Variants in RPS6KC1 observed in about 807,000 individuals in gnomAD.
RPS6KC1 encodes the protein ribosomal protein S6 kinase C1, also known as inactive ribosomal protein S6 kinase delta-1.
RPS6KC1 carries 54 observed loss-of-function variants against 103.8 expected under a neutral mutation model. That is an observed-to-expected ratio of 0.52 (90% CI 0.42 to 0.65). The LOEUF is 0.65. Ranked by LOEUF, RPS6KC1 falls within the 30% of genes least tolerant of loss-of-function variation. The pLI, the probability that RPS6KC1 is intolerant of heterozygous loss-of-function variation, is 0.00. For missense variants in RPS6KC1, 1,151 were observed against 1,253.8 expected, an observed-to-expected ratio of 0.92 and a Z score of 1.24; for synonymous variants, 439 against 438.7, an observed-to-expected ratio of 1.00 and a Z score of -0.01.
chr1:213,563,019 A>G, the RPS6KC1 span, among the ~76,000 whole-genome samples: 1 of 152,100 alleles, frequency 6.6e-6, no homozygotes, highest in East Asian at 1.9e-4. Flanking sequence ...TGAATCTTCT[A>G]TATCTTTATT....
At chr1:213,189,178 G>A (rs1043850508) in intron 8 of RPS6KC1, among the ~76,000 whole-genome samples, 3 of 152,090 alleles carry the variant, frequency 2.0e-5, no homozygotes, top group Non-Finnish European at 4.4e-5. Flanking sequence ...GCCAGGCATG[G>A]TGGCTTACGT....
In RPS6KC1 at chr1:213,232,156, A is replaced by G. The variant is rs2094119216; in HGVS notation, c.1126A>G (p.Arg376Gly). Reference protein sequence around the residue: ...LRKSSEYSRNRKTIIPRCVPN... With the variant: ...LRKSSEYSRNGKTIIPRCVPN... ...GAAAAGCAGTGAATACAGCAGGAAC[A>G]GAAAGACCATCATCCCCCGCTGTGT... Residue 376 changes from arginine (R) to glycine (G), a missense_variant, in exon 10 of 15, where the codon AGA becomes GGA. By Grantham distance (125) the Arg-to-Gly change is moderately radical (BLOSUM62 -2). Coordinates refer to ENST00000366960, the MANE Select transcript of RPS6KC1 (RefSeq NM_012424.6). 6.2e-7 allele frequency: 1 copy of G among 1,613,996 alleles called. No homozygotes were observed.
the RPS6KC1 span, among the ~76,000 whole-genome samples, chr1:213,740,643 C>A: frequency 6.9e-6 from 1 of 145,224 alleles, no homozygotes; most frequent in Non-Finnish European, 1.5e-5. Flanking sequence ...TATACACATA[C>A]ATATATCTCT....
Position 213,272,787 on chromosome 1 carries a change from A to G in RPS6KC1, c.*153A>G. ...ATGGGGGGGAAATGGCTAAAAGAGA[A>G]CAATTCGTTTACAATTACAAGATAT... On this transcript the variant is annotated 3_prime_UTR_variant, in exon 15 of 15. Transcript: ENST00000366960. 1 of 583,568 alleles carries G rather than the reference A, an allele frequency of 1.7e-6. No individual in the cohort carries two copies. Among genetic ancestry groups the G allele is most frequent in the Non-Finnish European group, 3.1e-6 (1 of 323,482 alleles). 36.1% of individuals were successfully genotyped at this position (583,568 alleles called of 1,614,324 possible).
chr1:213,444,573 C>T, the RPS6KC1 span, among the ~76,000 whole-genome samples: 22,100 of 151,876 alleles, frequency 0.15, 1,855 homozygotes, highest in East Asian at 0.25. Context: ...TGAGGTTGGT[C>T]AGGCTGGTAC....
the RPS6KC1 span, among the ~76,000 whole-genome samples, chr1:213,535,404 G>A: frequency 1.3e-5 from 2 of 152,210 alleles, no homozygotes; most frequent in African/African-American, 2.4e-5. Context: ...TTGGAAAGGA[G>A]AAAGCATAAT....
At chr1:213,323,230 CCT>C in the RPS6KC1 span, among the ~76,000 whole-genome samples, 7 of 152,028 alleles carry the variant, frequency 4.6e-5, no homozygotes, top group Non-Finnish European at 7.4e-5. Context: ...GGATAATTCC[CCT>C]GTTTTAAGAT....
the RPS6KC1 span, among the ~76,000 whole-genome samples, chr1:213,334,285 C>T: frequency 6.6e-6 from 1 of 152,174 alleles, no homozygotes; most frequent in Non-Finnish European, 1.5e-5. Flanking sequence ...ACAGGTGCTT[C>T]CAAATTTTGT....
chr1:213,621,307 C>T, the RPS6KC1 span, among the ~76,000 whole-genome samples: 1 of 151,672 alleles, frequency 6.6e-6, no homozygotes, highest in Non-Finnish European at 1.5e-5. Flanking sequence ...ACAATAGATA[C>T]GGCTGAGAAA....
the RPS6KC1 span, among the ~76,000 whole-genome samples, chr1:213,683,166 TTCA>T: frequency 1.3e-5 from 2 of 152,196 alleles, no homozygotes; most frequent in African/African-American, 2.4e-5. Flanking sequence ...AGCAAGTAAG[TTCA>T]TCATGCTGAT....
the RPS6KC1 span, among the ~76,000 whole-genome samples, chr1:213,563,597 A>G: frequency 6.6e-6 from 1 of 151,970 alleles, no homozygotes; most frequent in African/African-American, 2.4e-5. Flanking sequence ...AAGGTTTTTC[A>G]TTTTACCTCT....
At chr1:213,694,637 C>T in the RPS6KC1 span, among the ~76,000 whole-genome samples, 9 of 152,186 alleles carry the variant, frequency 5.9e-5, no homozygotes, top group African/African-American at 2.2e-4. Context: ...TTTCTTGCAA[C>T]ACCCAGTCCC....
At chr1:213,320,672 C>T in the RPS6KC1 span, among the ~76,000 whole-genome samples, 1 of 152,236 alleles carries the variant, frequency 6.6e-6, no homozygotes, top group South Asian at 2.1e-4. Context: ...TTTTCTTCTC[C>T]CTCCGGGATC....
At chr1:213,353,320 A>G in the RPS6KC1 span, among the ~76,000 whole-genome samples, 1 of 152,238 alleles carries the variant, frequency 6.6e-6, no homozygotes, top group African/African-American at 2.4e-5. Flanking sequence ...TTCACTTAAA[A>G]TGTGTCAGGC....
chr1:213,628,639 T>TG, the RPS6KC1 span, among the ~76,000 whole-genome samples: 67 of 152,344 alleles, frequency 4.4e-4, no homozygotes, highest in Non-Finnish European at 8.8e-4. Flanking sequence ...TGAATGTGTT[T>TG]GCTCTTGCTT....
chr1:213,220,714 A>C (rs561476556), intron 8 of RPS6KC1, among the ~76,000 whole-genome samples: 49 of 152,328 alleles, frequency 3.2e-4, no homozygotes, highest in African/African-American at 1.2e-3. Context: ...TTCTAACTAC[A>C]TTTAAAATAC....
chr1:213,142,476 A>G (rs1335288373), intron 6 of RPS6KC1, among the ~76,000 whole-genome samples: 7 of 152,134 alleles, frequency 4.6e-5, no homozygotes, highest in African/African-American at 9.6e-5. Context: ...GTTCTTTCTC[A>G]TCTGTGTGGG....
intron 6 of RPS6KC1, among the ~76,000 whole-genome samples, chr1:213,158,006 A>G (rs1030379085): frequency 2.0e-5 from 3 of 152,050 alleles, no homozygotes; most frequent in African/African-American, 7.2e-5. Context: ...TACTTTTTGC[A>G]CGGTATGTTT....
chr1:213,188,956 T>G (rs2092646372), intron 8 of RPS6KC1, among the ~76,000 whole-genome samples: 1 of 152,174 alleles, frequency 6.6e-6, no homozygotes, highest in Non-Finnish European at 1.5e-5. Context: ...TCACTCTGTT[T>G]GATTTCATGA....
Sources: gnomAD v4.1 joint callset for allele counts (sites outside exome capture counted in the v4.1 genomes callset) on GRCh38, gnomAD v4.1.1 for gene constraint, MANE v1.5 for transcripts, NCBI Gene and HGNC (gene_info 2026-07-23, HGNC 2026-07-21) for gene names.